Variants in VSTM4 observed in about 807,000 individuals in gnomAD.
The protein encoded by VSTM4 is V-set and transmembrane domain-containing protein 4.
In VSTM4, 20 loss-of-function variants were observed where a neutral mutation model predicts 36.4. The ratio of observed to expected loss-of-function variants is 0.55; its 90% CI spans 0.39 to 0.80. The LOEUF (loss-of-function observed/expected upper bound fraction) is 0.80, where lower values mean the gene tolerates loss of function less well. Among genes scored for constraint, VSTM4 ranks in the 30% least tolerant of loss-of-function variants. The pLI, the probability that VSTM4 is intolerant of heterozygous loss-of-function variation, is 0.00. For synonymous variants in VSTM4, 182 were observed against 173.9 expected (o/e 1.05, Z -0.37); for missense variants, 392 against 404.5 (o/e 0.97, Z 0.26).
chr10:49,041,222 T>C (rs746076417), intron 7 of VSTM4, among the ~76,000 whole-genome samples: 3 of 152,186 alleles, frequency 2.0e-5, no homozygotes, highest in Non-Finnish European at 4.4e-5. Context: ...TCTAAACTAA[T>C]GGTCTGATAG....
intron 4 of VSTM4, among the ~76,000 whole-genome samples, chr10:49,070,252 C>CAAAAAAAAAA (rs780515012): frequency 9.2e-5 from 2 of 21,726 alleles, no homozygotes; most frequent in Non-Finnish European, 1.6e-4. Context: ...GACTCCGTCT[C>CAAAAAAAAAA]AAAAAAAAAA....
intron 7 of VSTM4, 78 bp from the exon 8 acceptor site, chr10:49,019,853 A>G (rs1167571514): frequency 2.0e-6 from 3 of 1,513,596 alleles, no homozygotes; most frequent in Non-Finnish European, 2.7e-6. Context: ...TTCATCAAGT[A>G]TGCATGTTCA....
intron 4 of VSTM4, among the ~76,000 whole-genome samples, chr10:49,065,296 C>T (rs1314426695): frequency 1.3e-5 from 2 of 152,188 alleles, no homozygotes; most frequent in African/African-American, 4.8e-5. Flanking sequence ...CTCTGAGGTT[C>T]ACAGCTGAAT....
chr10:49,069,278 C>T lies in VSTM4; in HGVS notation c.635-4542G>A, dbSNP rs573192244. Among the ~76,000 whole-genome samples, 18 of 152,324 alleles carry T rather than the reference C, an allele frequency of 1.2e-4. No individual in the cohort carries two copies. In the East Asian group the frequency reaches 1.9e-3, roughly 16 times the overall value. On this transcript the variant is annotated intron_variant, in intron 4 of 7. Transcript: ENST00000332853. ...CCACCTTACCCCTATGCCCTGGCCACGTCTTCTGACCTCCAGGCTTTGCAC... is the reference window on the plus strand; with the variant it reads ...CCACCTTACCCCTATGCCCTGGCCATGTCTTCTGACCTCCAGGCTTTGCAC...
intron 7 of VSTM4, among the ~76,000 whole-genome samples, chr10:49,023,057 C>T (rs758536007): frequency 4.6e-5 from 7 of 152,126 alleles, no homozygotes; most frequent in Non-Finnish European, 8.8e-5. Flanking sequence ...AAAAGTAGTA[C>T]TTTCATAAGT....
chr10:49,050,557 C>T (rs1311387067), intron 5 of VSTM4, among the ~76,000 whole-genome samples: 4 of 152,294 alleles, frequency 2.6e-5, no homozygotes, highest in Admixed American at 1.3e-4. Context: ...GAGATTCTAA[C>T]TGGTCATAGC....
intron 7 of VSTM4, among the ~76,000 whole-genome samples, chr10:49,036,813 T>C (rs1000094744): frequency 6.6e-6 from 1 of 152,236 alleles, no homozygotes; most frequent in African/African-American, 2.4e-5. Context: ...GGCCACACTA[T>C]GGTTTTCAAC....
chr10:49,061,495 C>T (rs184868645), intron 5 of VSTM4, among the ~76,000 whole-genome samples: 1 of 152,150 alleles, frequency 6.6e-6, no homozygotes, highest in Non-Finnish European at 1.5e-5. Flanking sequence ...AAGGATCTAA[C>T]CAAAACTATA....
chr10:49,019,874 G>A, intron 7 of VSTM4, 99 bp from the exon 8 acceptor site: 1 of 1,450,612 alleles, frequency 6.9e-7, no homozygotes. Context: ...TAGCATTTTG[G>A]GATTCAGCGA....
chr10:49,028,048 A>G (rs1843289823), intron 7 of VSTM4, among the ~76,000 whole-genome samples: 1 of 152,180 alleles, frequency 6.6e-6, no homozygotes, highest in African/African-American at 2.4e-5. Flanking sequence ...GCAAAGCATG[A>G]GCGTTTCAAT....
At chr10:49,024,261 T>C (rs1843223681) in intron 7 of VSTM4, among the ~76,000 whole-genome samples, 1 of 152,196 alleles carries the variant, frequency 6.6e-6, no homozygotes. Context: ...CATGGACCCT[T>C]AGTCTCACTT....
intron 1 of VSTM4, among the ~76,000 whole-genome samples, chr10:49,112,220 A>AG (rs1844907408): frequency 6.6e-6 from 1 of 152,236 alleles, no homozygotes; most frequent in Non-Finnish European, 1.5e-5. Flanking sequence ...ATACAAACAG[A>AG]GGGACAGGAT....
intron 3 of VSTM4, among the ~76,000 whole-genome samples, chr10:49,081,758 C>A (rs1456960760): frequency 1.3e-5 from 2 of 152,222 alleles, no homozygotes; most frequent in Non-Finnish European, 2.9e-5. Context: ...AGCCAGCGGG[C>A]ACCTCCTGCC....
chr10:49,091,837 C>T (rs963035067), intron 2 of VSTM4, among the ~76,000 whole-genome samples: 1 of 152,208 alleles, frequency 6.6e-6, no homozygotes, highest in African/African-American at 2.4e-5. Flanking sequence ...ATTCCTTTAA[C>T]AAAGAATCTT....
At chr10:49,115,093 G>A (rs1203188045) in intron 1 of VSTM4, among the ~76,000 whole-genome samples, 3 of 152,202 alleles carry the variant, frequency 2.0e-5, no homozygotes, top group Non-Finnish European at 4.4e-5. Context: ...GTGGAAAAAA[G>A]GAAAGCGAAC....
At chr10:49,095,410 C>T (rs7905794) in intron 2 of VSTM4, among the ~76,000 whole-genome samples, 17,711 of 152,114 alleles carry the variant, frequency 0.12, 1,657 homozygotes, top group African/African-American at 0.26. Flanking sequence ...GGGTGCATTT[C>T]GGAAGGCCCC....
chr10:49,103,886 A>G (rs1046165747), intron 2 of VSTM4: 35 of 1,609,078 alleles, frequency 2.2e-5, no homozygotes, highest in Non-Finnish European at 3.0e-5. Context: ...AGGTGACATG[A>G]GCAGGTTAGA....
chr10:49,045,202 T>TC (rs1843588937), intron 7 of VSTM4, among the ~76,000 whole-genome samples: 4 of 148,408 alleles, frequency 2.7e-5, no homozygotes, highest in Admixed American at 1.3e-4. Flanking sequence ...CAGTCTTTCT[T>TC]TCTCTCTCTC....
chr10:49,075,894 G>A (rs1011033387), intron 4 of VSTM4, among the ~76,000 whole-genome samples: 2 of 152,182 alleles, frequency 1.3e-5, no homozygotes, highest in Non-Finnish European at 2.9e-5. Flanking sequence ...GAGAGGGCCT[G>A]AGGAGTGTAC....
Sources: allele counts gnomAD v4.1 joint callset (sites outside exome capture counted in the v4.1 genomes callset), GRCh38; gene constraint gnomAD v4.1.1; transcripts MANE v1.5; gene names NCBI Gene and HGNC (gene_info 2026-07-23, HGNC 2026-07-21).